MYO5B: variants seen among roughly 807,000 people sequenced by gnomAD.
MYO5B encodes unconventional myosin-Vb.
MYO5B carries 143 observed loss-of-function variants against 229.3 expected under a neutral mutation model. That is an observed-to-expected ratio of 0.62 (90% CI 0.54 to 0.72). The LOEUF is 0.72. MYO5B is among the 30% of genes least tolerant of loss of function. The pLI is 0.00. For synonymous variants in MYO5B, 918 were observed against 885.2 expected, an observed-to-expected ratio of 1.04 and a Z score of -0.66; for missense variants, 2,321 against 2,331.0, an observed-to-expected ratio of 1.00 and a Z score of 0.09.
intron 17 of MYO5B, among the ~76,000 whole-genome samples, chr18:49,922,069 A>G (rs898565776): frequency 2.0e-5 from 3 of 152,168 alleles, no homozygotes; most frequent in Admixed American, 2.0e-4. Flanking sequence ...AAAACTCCCA[A>G]TTTATCCAGC....
intron 4 of MYO5B, among the ~76,000 whole-genome samples, chr18:50,003,827 G>A (rs1197893040): frequency 6.6e-6 from 1 of 152,188 alleles, no homozygotes; most frequent in African/African-American, 2.4e-5. Context: ...TTAGAATGCA[G>A]AAGTATATAC....
intron 1 of MYO5B, among the ~76,000 whole-genome samples, chr18:50,178,389 T>C (rs1276752464): frequency 6.6e-6 from 1 of 152,228 alleles, no homozygotes; most frequent in Non-Finnish European, 1.5e-5. Flanking sequence ...AACCACTGTT[T>C]GCCACAGTGA....
At chr18:50,054,034 C>T (rs1440262448) in intron 2 of MYO5B, among the ~76,000 whole-genome samples, 1 of 152,242 alleles carries the variant, frequency 6.6e-6, no homozygotes. Context: ...GCATGAACTA[C>T]CTCTGCCTGC....
At chr18:50,083,539 G>C (rs1330199774) in intron 1 of MYO5B, among the ~76,000 whole-genome samples, 1 of 152,192 alleles carries the variant, frequency 6.6e-6, no homozygotes, top group Non-Finnish European at 1.5e-5. Flanking sequence ...GCCAAGAACT[G>C]AGGACAAAGA....
At chr18:49,987,759 AT>A (rs558756178) in intron 7 of MYO5B, among the ~76,000 whole-genome samples, 1 of 152,288 alleles carries the variant, frequency 6.6e-6, no homozygotes, top group South Asian at 2.1e-4. Flanking sequence ...TTTACTTCTT[AT>A]CCCCTAAAGG....
intron 1 of MYO5B, among the ~76,000 whole-genome samples, chr18:50,153,467 T>C: frequency 6.6e-6 from 1 of 152,146 alleles, no homozygotes; most frequent in East Asian, 1.9e-4. Context: ...ATTTTCTTTT[T>C]TTGAGATGGA....
At chr18:50,065,040 C>T (rs1241587411) in intron 1 of MYO5B, among the ~76,000 whole-genome samples, 1 of 152,238 alleles carries the variant, frequency 6.6e-6, no homozygotes. Context: ...AGAACTTACA[C>T]ACCTCACATA....
chr18:50,119,073 T>A (rs939168771), intron 1 of MYO5B, among the ~76,000 whole-genome samples: 1 of 152,212 alleles, frequency 6.6e-6, no homozygotes, highest in Non-Finnish European at 1.5e-5. Flanking sequence ...GTTTCTCTAA[T>A]TTTAGCATGT....
At chr18:50,149,179 C>T (rs1020734946) in intron 1 of MYO5B, among the ~76,000 whole-genome samples, 24 of 152,108 alleles carry the variant, frequency 1.6e-4, no homozygotes, top group African/African-American at 5.6e-4. Context: ...TCAATGTAAT[C>T]AAAGAGGATA....
intron 18 of MYO5B, among the ~76,000 whole-genome samples, chr18:49,909,234 AGAG>A (rs2024932419): frequency 6.6e-6 from 1 of 152,354 alleles, no homozygotes; most frequent in Admixed American, 6.5e-5. Context: ...TGGCCCAAGA[AGAG>A]GAGAAAAATA....
intron 2 of MYO5B, among the ~76,000 whole-genome samples, chr18:50,049,383 A>T (rs1030434519): frequency 2.0e-5 from 3 of 152,240 alleles, no homozygotes; most frequent in African/African-American, 7.2e-5. Flanking sequence ...CAACACAATT[A>T]AGAGGTTTGA....
intron 5 of MYO5B, among the ~76,000 whole-genome samples, chr18:49,993,399 T>A (rs1463775730): frequency 6.6e-6 from 1 of 151,958 alleles, no homozygotes; most frequent in Non-Finnish European, 1.5e-5. Flanking sequence ...AGCCATCTAT[T>A]ATTGACAAGG....
rs779285739 is a variant in MYO5B, at chr18:49,877,901, G to T, written c.3277-19C>A. On this transcript the variant is annotated intron_variant, in intron 24 of 39. Coordinates refer to ENST00000285039, the MANE Select transcript of MYO5B (RefSeq NM_001080467.3). ...GAGTTTGCTGTTCAACAAGAAAAACGTGATAGCTCATTAGGAACTAATGTT... is the reference window on the plus strand; with the variant it reads ...GAGTTTGCTGTTCAACAAGAAAAACTTGATAGCTCATTAGGAACTAATGTT... 3.2e-5 allele frequency: 52 copies of T among 1,614,002 alleles called. 2 individuals carry two copies. The South Asian group carries it at 5.3e-4, about 16-fold the overall frequency.
Position 49,849,632 on chromosome 18 carries a change from T to C in MYO5B, c.4250A>G (p.Glu1417Gly), listed in dbSNP as rs868501105. 1.2e-6 allele frequency: 2 copies of C among 1,613,960 alleles called. No individual in the cohort carries two copies. Among genetic ancestry groups the C allele is most frequent in the African/African-American group, 1.3e-5 (1 of 75,074 alleles). ...CTTTTTGAGCTTCCTCTCATTCTTT[T>C]CCAGCTTTTCTACCAGTTCTTTAAG... ...LDLKELVEKL[E>G]KNERKLKKQL... is the part of the protein sequence containing the mutation. The change falls in exon 32 of 40, where the codon GAA becomes GGA. Residue 1417 changes from glutamate (E) to glycine (G), a missense_variant. By Grantham distance (98) the Glu-to-Gly change is moderately conservative (BLOSUM62 -2). This residue lies in a region of MYO5B where 2,113 missense variants were observed against 2,044.7 expected (regional missense o/e 1.03). Coordinates refer to ENST00000285039, the MANE Select transcript of MYO5B (RefSeq NM_001080467.3).
chr18:50,054,214 C>T (rs2030481861), intron 2 of MYO5B, among the ~76,000 whole-genome samples: 1 of 152,192 alleles, frequency 6.6e-6, no homozygotes, highest in Non-Finnish European at 1.5e-5. Flanking sequence ...ATGGCCAGCT[C>T]CTTCCCAAAA....
At chr18:49,867,439 T>G (rs1403708211) in intron 27 of MYO5B, among the ~76,000 whole-genome samples, 1 of 151,864 alleles carries the variant, frequency 6.6e-6, no homozygotes, top group Non-Finnish European at 1.5e-5. Flanking sequence ...ACTGAAGTCT[T>G]GGGAGGATGT....
intron 27 of MYO5B, among the ~76,000 whole-genome samples, chr18:49,867,672 C>G (rs553213284): frequency 6.6e-4 from 100 of 152,250 alleles, no homozygotes; most frequent in Non-Finnish European, 1.2e-4. Context: ...ATATTTCACA[C>G]GGGATGAGCG....
intron 4 of MYO5B, among the ~76,000 whole-genome samples, chr18:50,006,781 G>A (rs747148412): frequency 1.3e-5 from 2 of 152,140 alleles, no homozygotes; most frequent in Admixed American, 1.3e-4. Flanking sequence ...GGCACCTGAG[G>A]TCACTCTGCT....
chr18:50,179,746 T>A (rs2033046066), intron 1 of MYO5B, among the ~76,000 whole-genome samples: 1 of 152,216 alleles, frequency 6.6e-6, no homozygotes, highest in Non-Finnish European at 1.5e-5. Flanking sequence ...CCTAGTACTG[T>A]GCTGGCCTAT....
Sources: allele counts gnomAD v4.1 joint callset (sites outside exome capture counted in the v4.1 genomes callset), GRCh38; gene constraint gnomAD v4.1.1; regional missense constraint gnomAD v4.1.1; transcripts MANE v1.5; gene names NCBI Gene and HGNC (gene_info 2026-07-23, HGNC 2026-07-21).